The following ZFHX3 variants were observed in gnomAD, a reference collection of about 807,000 sequenced individuals.
The protein encoded by ZFHX3 is zinc finger homeobox protein 3.
ZFHX3 carries 42 observed loss-of-function variants against 279.1 expected under a neutral mutation model. That is an observed-to-expected ratio of 0.15 (90% CI 0.12 to 0.19). The LOEUF is 0.19. Among genes scored for constraint, ZFHX3 ranks in the 10% least tolerant of loss-of-function variants. The pLI is 1.00. For synonymous variants in ZFHX3, 2,293 were observed against 1,957.8 expected (o/e 1.17, Z -4.52); for missense variants, 4,981 against 4,754.0 (o/e 1.05, Z -1.40).
chr16:73,538,844 A>G (rs2019957377), intron 2 of ZFHX3, among the ~76,000 whole-genome samples: 1 of 152,230 alleles, frequency 6.6e-6, no homozygotes, highest in African/African-American at 2.4e-5. Context: ...CATCTTTTCA[A>G]TAAACATGTC....
chr16:73,458,272 TTCTTTCTC>T (rs961250370), intron 2 of ZFHX3, among the ~76,000 whole-genome samples: 11 of 151,834 alleles, frequency 7.2e-5, no homozygotes, highest in Non-Finnish European at 1.3e-4. Flanking sequence ...TCTCCTTTCT[TTCTTTCTC>T]TCTTTCTCTC....
intron 2 of ZFHX3, among the ~76,000 whole-genome samples, chr16:73,501,400 G>A (rs1034127377): frequency 2.0e-5 from 3 of 152,152 alleles, no homozygotes; most frequent in Admixed American, 6.6e-5. Context: ...AACTGTTTTA[G>A]AAGAAAAGCT....
intron 3 of ZFHX3, among the ~76,000 whole-genome samples, chr16:73,372,029 A>G (rs1290714788): frequency 6.6e-6 from 1 of 152,164 alleles, no homozygotes; most frequent in East Asian, 1.9e-4. Context: ...CATAGCTTCT[A>G]TTTCCAAGAA....
At chr16:73,213,294 T>G (rs956515252) in intron 5 of ZFHX3, among the ~76,000 whole-genome samples, 7 of 152,194 alleles carry the variant, frequency 4.6e-5, no homozygotes, top group East Asian at 1.9e-4. Flanking sequence ...AACGGGGTCA[T>G]GGGCTTTGTG....
chr16:73,075,920 G>A (rs1965883185), intron 8 of ZFHX3, among the ~76,000 whole-genome samples: 1 of 152,116 alleles, frequency 6.6e-6, no homozygotes, highest in Non-Finnish European at 1.5e-5. Flanking sequence ...GTGAGCCACC[G>A]CACCCGGCCA....
At chr16:73,702,993 C>T (rs564252531) in intron 1 of ZFHX3, among the ~76,000 whole-genome samples, 21 of 152,018 alleles carry the variant, frequency 1.4e-4, no homozygotes, top group Admixed American at 1.0e-3. Flanking sequence ...GCGATGATAG[C>T]GATGGTGGTG....
intron 2 of ZFHX3, among the ~76,000 whole-genome samples, chr16:73,666,373 C>CA (rs2052842648): frequency 1.3e-5 from 2 of 151,918 alleles, no homozygotes; most frequent in South Asian, 4.2e-4. Context: ...TTTTCATATA[C>CA]AAAATGTTTG....
rs561572035 is a variant in ZFHX3 at position 72,901,638 on chromosome 16, T to C, written c.3217-11676A>G. ...ATGCAGACATTTCACTTTTTCTCCTTAAATTCCATTTGTTTTCTGGAAGGT... is the reference window on the plus strand; with the variant it reads ...ATGCAGACATTTCACTTTTTCTCCTCAAATTCCATTTGTTTTCTGGAAGGT... On this transcript the variant is annotated intron_variant, in intron 3 of 9. Coordinates refer to ENST00000268489, the MANE Select transcript of ZFHX3 (RefSeq NM_006885.4). Among the ~76,000 whole-genome samples, 24 of 152,336 alleles carry C rather than the reference T, an allele frequency of 1.6e-4. 2 individuals carry two copies. The East Asian group carries it at 2.3e-3, about 15-fold the overall frequency.
At chr16:73,128,757 C>A (rs1966617156) in intron 7 of ZFHX3, among the ~76,000 whole-genome samples, 1 of 152,174 alleles carries the variant, frequency 6.6e-6, no homozygotes, top group Non-Finnish European at 1.5e-5. Flanking sequence ...GCTTGTTCCC[C>A]AAATCCTGGT....
chr16:73,731,497 T>C (rs1232162964), intron 1 of ZFHX3, among the ~76,000 whole-genome samples: 4 of 149,748 alleles, frequency 2.7e-5, no homozygotes, highest in Non-Finnish European at 5.9e-5. Context: ...ACAAAGAAAA[T>C]CTCTAATTTA....
chr16:73,622,742 A>G (rs1035507021), intron 2 of ZFHX3, among the ~76,000 whole-genome samples: 4 of 152,086 alleles, frequency 2.6e-5, no homozygotes, highest in African/African-American at 9.7e-5. Context: ...TACAGCCTTC[A>G]TGACTCCCAG....
chr16:73,136,517 A>G (rs1361573875), intron 6 of ZFHX3, among the ~76,000 whole-genome samples: 1 of 152,066 alleles, frequency 6.6e-6, no homozygotes, highest in African/African-American at 2.4e-5. Context: ...TGAGGTCAGG[A>G]GTTCGAGACC....
At chr16:73,340,783 G>A (rs1457359309) in intron 3 of ZFHX3, among the ~76,000 whole-genome samples, 3 of 152,214 alleles carry the variant, frequency 2.0e-5, no homozygotes, top group Non-Finnish European at 4.4e-5. Flanking sequence ...CTTCCAAAGT[G>A]GATCAAAGAG....
intron 3 of ZFHX3, among the ~76,000 whole-genome samples, chr16:73,387,648 A>T (rs879411445): frequency 2.6e-5 from 4 of 151,956 alleles, no homozygotes; most frequent in Non-Finnish European, 4.4e-5. Context: ...ATCTGAGAAA[A>T]TTTTTCTTTT....
In ZFHX3 at chr16:72,911,534, T is replaced by G. The variant is rs1597371144; in HGVS notation, c.3217-21572A>C. Among the ~76,000 whole-genome samples, 3 of 152,286 alleles carry G rather than the reference T, an allele frequency of 2.0e-5. No individual in the cohort carries two copies. In the East Asian group the frequency reaches 5.8e-4, roughly 29 times the overall value. Reference sequence around the variant, plus strand: ...TACCTTCTCGGTCAGAGAAACAACGTGTCGGGGAAGGTTTGGAAACGGCTG... The same window carrying G: ...TACCTTCTCGGTCAGAGAAACAACGGGTCGGGGAAGGTTTGGAAACGGCTG... On this transcript the variant is annotated intron_variant, in intron 3 of 9. Transcript: ENST00000268489.
chr16:73,546,152 G>A, intron 2 of ZFHX3, among the ~76,000 whole-genome samples: 1 of 152,052 alleles, frequency 6.6e-6, no homozygotes, highest in South Asian at 2.1e-4. Context: ...TGAAAATTCC[G>A]GATATTAACA....
rs2012093258 is a variant in ZFHX3, at chr16:73,213,569, ACT to A, written c.-1104+43476_-1104+43477del. Among the ~76,000 whole-genome samples, 4 of 152,252 alleles carry A rather than the reference ACT, an allele frequency of 2.6e-5. No homozygotes were observed. In the South Asian group the frequency reaches 8.3e-4, roughly 32 times the overall value. On this transcript the variant is annotated intron_variant, in intron 5 of 17. Transcript: ENST00000641206. ...TAATCCTTTACCTACATCTCATGTA[ACT>A]CTTTTGTTTTCTAATACTTGGCTGG...
At chr16:73,064,177 G>C (rs1337134972), upstream of ZFHX3, among the ~76,000 whole-genome samples, 3 of 152,124 alleles carry the variant, frequency 2.0e-5, no homozygotes, top group Non-Finnish European at 4.4e-5. Flanking sequence ...GATCCCTGGG[G>C]GGCAGGAGGC....
chr16:72,990,237 G>A (rs1056781573), intron 1 of ZFHX3, among the ~76,000 whole-genome samples: 1 of 152,176 alleles, frequency 6.6e-6, no homozygotes, highest in African/African-American at 2.4e-5. Context: ...ACTGTCACTT[G>A]GCAATTTCTG....
Sources: allele counts gnomAD v4.1 joint callset (sites outside exome capture counted in the v4.1 genomes callset), GRCh38; gene constraint gnomAD v4.1.1; transcripts MANE v1.5; gene names NCBI Gene and HGNC (gene_info 2026-07-23, HGNC 2026-07-21).